Variants in USP45 observed in about 807,000 individuals in gnomAD.
USP45 encodes ubiquitin carboxyl-terminal hydrolase 45.
A neutral mutation model predicts 95.8 loss-of-function variants in USP45; 89 were observed. The ratio of observed to expected loss-of-function variants is 0.93; its 90% CI spans 0.78 to 1.11. The LOEUF (loss-of-function observed/expected upper bound fraction) is 1.11, where lower values mean the gene tolerates loss of function less well. Ranked by LOEUF, USP45 falls within the 50% of genes least tolerant of loss-of-function variation. The pLI is 0.00. For missense variants in USP45, 898 were observed against 942.5 expected (o/e 0.95, Z 0.62); for synonymous variants, 281 against 316.2 (o/e 0.89, Z 1.18).
At chr6:99,487,595 C>T (rs1794225318) in intron 7 of USP45, among the ~76,000 whole-genome samples, 1 of 148,594 alleles carries the variant, frequency 6.7e-6, no homozygotes, top group African/African-American at 2.5e-5. Context: ...CAAGACCATC[C>T]TGGCTAACAT....
In USP45 at chr6:99,468,629, A is replaced by AAGT; in HGVS notation, c.934-14_934-12dup. 6.4e-7 allele frequency: 1 copy of AAGT among 1,573,846 alleles called. No homozygotes were observed. Among genetic ancestry groups the AAGT allele is most frequent in the Non-Finnish European group, 8.7e-7 (1 of 1,148,986 alleles). Reference sequence around the variant, plus strand: ...GCTAGCTTGTATTCGCTGTAAAACAAAGTTAATAGATTCTGGTCTAATAAT... The same window carrying AAGT: ...GCTAGCTTGTATTCGCTGTAAAACAAAGTAGTTAATAGATTCTGGTCTAATAAT... On this transcript the variant is annotated splice_polypyrimidine_tract_variant and intron_variant, in intron 9 of 17. Coordinates refer to ENST00000500704, the MANE Select transcript of USP45 (RefSeq NM_001346022.3).
In USP45 at chr6:99,480,312, T is replaced by C. The variant is rs574281691; in HGVS notation, c.845+2441A>G. Among the ~76,000 whole-genome samples, 8 of 145,478 alleles carry C rather than the reference T, an allele frequency of 5.5e-5. No homozygotes were observed. The South Asian group carries it at 1.1e-3, about 20-fold the overall frequency. ...AGATTCAACATTGTTAAGATGTTGA[T>C]TCTCCCCAAATTGATCTACACATTC... On this transcript the variant is annotated intron_variant, in intron 8 of 17. Transcript: ENST00000500704.
At chr6:99,464,077 C>A (rs1385530861) in intron 13 of USP45, among the ~76,000 whole-genome samples, 6 of 151,954 alleles carry the variant, frequency 3.9e-5, no homozygotes, top group Middle Eastern at 3.4e-3. Flanking sequence ...GAGGCCGAGG[C>A]GGGCAGATCA....
chr6:99,506,327 C>A (rs1040553025), intron 4 of USP45, among the ~76,000 whole-genome samples: 1 of 152,078 alleles, frequency 6.6e-6, no homozygotes, highest in African/African-American at 2.4e-5. Context: ...AATAAAAAAA[C>A]TTGTTTTTGG....
chr6:99,463,513 G>C (rs1787039407), intron 13 of USP45, among the ~76,000 whole-genome samples: 1 of 152,038 alleles, frequency 6.6e-6, no homozygotes, highest in Non-Finnish European at 1.5e-5. Context: ...TGCAAAGGAG[G>C]AAAAAGAGGG....
intron 1 of USP45, chr6:99,514,991 C>T (rs1279548447): frequency 6.6e-6 from 1 of 152,270 alleles, no homozygotes; most frequent in East Asian, 1.9e-4. Context: ...CCCGGAGCTC[C>T]TAATACACGA....
At chr6:99,482,377 A>T (rs1181756220) in intron 8 of USP45, 2 of 178,046 alleles carry the variant, frequency 1.1e-5, no homozygotes, top group Non-Finnish European at 2.3e-5. Flanking sequence ...TCATCTTTTA[A>T]AATAAGAAAG....
intron 13 of USP45, among the ~76,000 whole-genome samples, chr6:99,447,144 C>T (rs568453698): frequency 1.3e-4 from 20 of 151,990 alleles, no homozygotes; most frequent in Non-Finnish European, 2.9e-4. Flanking sequence ...GCTTGGTTGC[C>T]ATAGATCTGG....
chr6:99,456,134 GAAAAAAAA>G (rs71021737), intron 13 of USP45, among the ~76,000 whole-genome samples: 1 of 89,522 alleles, frequency 1.1e-5, no homozygotes, highest in Non-Finnish European at 2.0e-5. Flanking sequence ...CTCTGTCTCG[GAAAAAAAA>G]AAAAAAAAAA....
chr6:99,443,498 T>C, intron 15 of USP45, 67 bp downstream of exon 15: 1 of 1,100,192 alleles, frequency 9.1e-7, no homozygotes, highest in Non-Finnish European at 1.3e-6. Flanking sequence ...TTCTTGACAA[T>C]ATTCTATAGG....
At chr6:99,478,998 A>C (rs997230700) in intron 8 of USP45, among the ~76,000 whole-genome samples, 10 of 149,822 alleles carry the variant, frequency 6.7e-5, no homozygotes, top group African/African-American at 2.4e-4. Flanking sequence ...ATGCAAACTA[A>C]TCTATTGCAA....
chr6:99,513,905 G>A (rs1800499144), intron 1 of USP45, among the ~76,000 whole-genome samples: 1 of 152,172 alleles, frequency 6.6e-6, no homozygotes, highest in East Asian at 1.9e-4. Context: ...TGGAGACTGG[G>A]AAGGATGGGA....
At chr6:99,437,532 G>T (rs1371601642) in intron 16 of USP45, 133 bp from the exon 17 acceptor site, 20 of 974,898 alleles carry the variant, frequency 2.1e-5, no homozygotes, top group Non-Finnish European at 2.7e-5. Context: ...ATACTTACTA[G>T]GCTGGCAAAA....
intron 5 of USP45, among the ~76,000 whole-genome samples, chr6:99,501,495 T>G (rs1797342845): frequency 6.6e-6 from 1 of 152,228 alleles, no homozygotes; most frequent in South Asian, 2.1e-4. Flanking sequence ...TTGATCACTG[T>G]GACTACTATA....
chr6:99,435,961 A>C (rs1450619759), intron 17 of USP45, 115 bp from the exon 18 acceptor site: 1 of 1,122,194 alleles, frequency 8.9e-7, no homozygotes, highest in Non-Finnish European at 1.2e-6. Flanking sequence ...ATTTTACCTG[A>C]GAAGCCTGTT....
chr6:99,497,948 C>T (rs781652909), intron 5 of USP45, among the ~76,000 whole-genome samples: 30 of 152,206 alleles, frequency 2.0e-4, no homozygotes, highest in Non-Finnish European at 3.7e-4. Flanking sequence ...TCTTCTGCTT[C>T]CAACTAAGTC....
chr6:99,508,054 A>G (rs1434048140), intron 3 of USP45, among the ~76,000 whole-genome samples: 1 of 152,212 alleles, frequency 6.6e-6, no homozygotes, highest in African/African-American at 2.4e-5. Flanking sequence ...TGAGGATGGC[A>G]CAGCAGAAAA....
Position 99,443,653 on chromosome 6 carries a change from ACTTT to A in USP45, c.1981_1984del (p.Lys661Ter), listed in dbSNP as rs1388398502. The A allele has an allele frequency of 6.3e-7, 1 of 1,584,714 alleles. No individual in the cohort carries two copies. The highest frequency in any genetic ancestry group is 8.6e-7 in the Non-Finnish European group (1 of 1,164,034). On this transcript the variant is annotated frameshift_variant, in exon 15 of 18. Transcript: ENST00000500704. LOFTEE classifies it high-confidence loss of function. ...CCTGGCATTAGTATAAACTCCTTCT[ACTTT>A]CTTTTCTACATAAAATACAATAAAT...
At chr6:99,515,676 C>T (rs903622311), upstream of USP45, among the ~76,000 whole-genome samples, 1 of 152,020 alleles carries the variant, frequency 6.6e-6, no homozygotes, top group Admixed American at 6.6e-5. Context: ...GCGTGCGCAC[C>T]TCGGATGTTG....
Sources: allele counts gnomAD v4.1 joint callset (sites outside exome capture counted in the v4.1 genomes callset), GRCh38; gene constraint gnomAD v4.1.1; transcripts MANE v1.5; gene names NCBI Gene and HGNC (gene_info 2026-07-23, HGNC 2026-07-21).